Variants in ARHGAP24 observed in about 807,000 individuals in gnomAD.
The protein encoded by ARHGAP24 is rho GTPase-activating protein 24.
A neutral mutation model predicts 76.4 loss-of-function variants in ARHGAP24; 50 were observed. That is an observed-to-expected ratio of 0.65 (90% CI 0.52 to 0.83). The LOEUF (loss-of-function observed/expected upper bound fraction) is 0.83. Among genes scored for constraint, ARHGAP24 ranks in the 40% least tolerant of loss-of-function variants. The pLI, the probability that ARHGAP24 is intolerant of heterozygous loss-of-function variation, is 0.00. For synonymous variants in ARHGAP24, 345 were observed against 323.3 expected, an observed-to-expected ratio of 1.07 and a Z score of -0.72; for missense variants, 930 against 914.2, an observed-to-expected ratio of 1.02 and a Z score of -0.22.
chr4:85,643,699 G>A (rs1210926473), intron 2 of ARHGAP24, among the ~76,000 whole-genome samples: 1 of 152,098 alleles, frequency 6.6e-6, no homozygotes, highest in African/African-American at 2.4e-5. Flanking sequence ...ACTCAGGGGA[G>A]TGCAAGTTTA....
rs371691470 is a variant in ARHGAP24 at position 85,923,741 on chromosome 4, G to A, written c.362G>A (p.Arg121His). ...NDMEDWVKSIRRVIWGPFGGG... is the reference protein window; with the variant it reads ...NDMEDWVKSIHRVIWGPFGGG... ...ATGGAAGACTGGGTGAAGTCAATCC[G>A]CCGAGTCATATGGGGACCTTTCGGA... Residue 121 changes from arginine (R) to histidine (H), a missense_variant, in exon 4 of 10, where the codon CGC becomes CAC. Transcript: ENST00000395184. 2.0e-5 allele frequency: 32 copies of A among 1,613,808 alleles called. No homozygotes were observed. The highest frequency in any genetic ancestry group is 8.9e-5 in the East Asian group (4 of 44,874).
chr4:85,783,189 T>A, intron 3 of ARHGAP24, among the ~76,000 whole-genome samples: 1 of 152,164 alleles, frequency 6.6e-6, no homozygotes, highest in East Asian at 1.9e-4. Flanking sequence ...ATAACCCCCC[T>A]CCTTTTCTTT....
Position 85,883,105 on chromosome 4 carries a change from C to T in ARHGAP24, c.269-40543C>T, listed in dbSNP as rs555124007. Among the ~76,000 whole-genome samples, 13 of 152,234 alleles carry T rather than the reference C, an allele frequency of 8.5e-5. 1 individual carries two copies. Among genetic ancestry groups the T allele is most frequent in the Admixed American group, 2.6e-4 (4 of 15,282 alleles). ...GGGAACAATGGGATTTAAAACAAGGCAGGGAGGAGAACTGTCACCTCTCCT... is the reference window on the plus strand; with the variant it reads ...GGGAACAATGGGATTTAAAACAAGGTAGGGAGGAGAACTGTCACCTCTCCT... On this transcript the variant is annotated intron_variant, in intron 3 of 9. Coordinates refer to ENST00000395184, the MANE Select transcript of ARHGAP24 (RefSeq NM_001025616.3).
intron 2 of ARHGAP24, among the ~76,000 whole-genome samples, chr4:85,656,197 C>A (rs1722162765): frequency 6.6e-6 from 1 of 151,988 alleles, no homozygotes; most frequent in Non-Finnish European, 1.5e-5. Context: ...AGAGACAATT[C>A]TGAAATGTAT....
At chr4:85,840,539 C>T (rs372530951) in intron 3 of ARHGAP24, among the ~76,000 whole-genome samples, 3 of 152,256 alleles carry the variant, frequency 2.0e-5, no homozygotes, top group East Asian at 1.9e-4. Flanking sequence ...TTAATTGTTT[C>T]ATATAATTTG....
chr4:85,853,557 T>C (rs1452218227), intron 3 of ARHGAP24, among the ~76,000 whole-genome samples: 1 of 152,166 alleles, frequency 6.6e-6, no homozygotes, highest in East Asian at 1.9e-4. Flanking sequence ...ATCTTCTGCG[T>C]CTGTCACGCT....
intron 2 of ARHGAP24, among the ~76,000 whole-genome samples, chr4:85,660,860 C>A (rs1004460939): frequency 4.1e-5 from 6 of 146,638 alleles, no homozygotes; most frequent in Non-Finnish European, 6.0e-5. Flanking sequence ...GTAGACATAA[C>A]CTTTCATTAT....
At chr4:85,725,217 T>C (rs1322486992) in intron 3 of ARHGAP24, among the ~76,000 whole-genome samples, 1 of 152,176 alleles carries the variant, frequency 6.6e-6, no homozygotes, top group Non-Finnish European at 1.5e-5. Flanking sequence ...TGTATCTCCA[T>C]ATATTTAGAA....
chr4:85,784,381 T>C (rs1727710021), intron 3 of ARHGAP24, among the ~76,000 whole-genome samples: 1 of 152,134 alleles, frequency 6.6e-6, no homozygotes, highest in African/African-American at 2.4e-5. Context: ...TTTATTTTGT[T>C]TTCTCTCTTA....
At position 85,791,868 on chromosome 4, in the gene ARHGAP24, AG is replaced by A. The variant is rs529055828; in HGVS notation, c.268+69897del. Among the ~76,000 whole-genome samples the A allele has an allele frequency of 1.5e-4, 23 of 152,352 alleles. No homozygotes were observed. The South Asian group carries it at 4.1e-3, about 27-fold the overall frequency. ...TTTGATAGGAAATGGGAATTTCCCA[AG>A]TAAAGGTGGAGGTGGTCAGTAGTGT... On this transcript the variant is annotated intron_variant, in intron 3 of 9. Coordinates refer to ENST00000395184, the MANE Select transcript of ARHGAP24 (RefSeq NM_001025616.3).
chr4:85,639,470 C>A (rs1367833759), intron 2 of ARHGAP24, among the ~76,000 whole-genome samples: 3 of 151,526 alleles, frequency 2.0e-5, no homozygotes, highest in Admixed American at 2.0e-4. Flanking sequence ...TCTCTTTGTA[C>A]CCTGTCCAGT....
At chr4:85,488,043 A>G (rs1354818920) in intron 1 of ARHGAP24, among the ~76,000 whole-genome samples, 2 of 149,568 alleles carry the variant, frequency 1.3e-5, no homozygotes, top group Non-Finnish European at 3.0e-5. Flanking sequence ...GTAGCTGGGG[A>G]CTACAGGCGC....
At chr4:85,571,508 G>A (rs947256447) in intron 2 of ARHGAP24, among the ~76,000 whole-genome samples, 8 of 152,074 alleles carry the variant, frequency 5.3e-5, no homozygotes, top group Admixed American at 1.3e-4. Context: ...TTTTAGATTC[G>A]TTTATATAAA....
At chr4:85,855,225 C>A (rs1401481422) in intron 3 of ARHGAP24, among the ~76,000 whole-genome samples, 1 of 152,116 alleles carries the variant, frequency 6.6e-6, no homozygotes, top group Non-Finnish European at 1.5e-5. Context: ...AGTCAGAGAC[C>A]CTGAGCAAAA....
At chr4:85,593,979 T>G (rs1331194933) in intron 2 of ARHGAP24, among the ~76,000 whole-genome samples, 1 of 152,130 alleles carries the variant, frequency 6.6e-6, no homozygotes, top group Non-Finnish European at 1.5e-5. Flanking sequence ...TTTTTTCTAT[T>G]TCTGTGAAGA....
intron 1 of ARHGAP24, among the ~76,000 whole-genome samples, chr4:85,514,270 C>T (rs575645070): frequency 6.6e-6 from 1 of 152,256 alleles, no homozygotes; most frequent in South Asian, 2.1e-4. Flanking sequence ...CAGTCCCCTG[C>T]TCCGTAAGCA....
chr4:85,936,711 G>T (rs346504), intron 4 of ARHGAP24, among the ~76,000 whole-genome samples: 53,300 of 151,942 alleles, frequency 0.35, 9,448 homozygotes, highest in East Asian at 0.46. Flanking sequence ...CAAGCTTTGG[G>T]TCTAGAGTAG....
At chr4:85,862,443 C>G (rs558547756) in intron 3 of ARHGAP24, among the ~76,000 whole-genome samples, 1 of 151,990 alleles carries the variant, frequency 6.6e-6, no homozygotes, top group Non-Finnish European at 1.5e-5. Flanking sequence ...GGCTAAGACT[C>G]GGTTATTGTT....
intron 1 of ARHGAP24, among the ~76,000 whole-genome samples, chr4:85,504,430 T>C (rs987873537): frequency 3.3e-5 from 5 of 152,216 alleles, no homozygotes; most frequent in African/African-American, 1.2e-4. Flanking sequence ...ATATTTAGGA[T>C]AGTTAGCTCT....
Sources: allele counts gnomAD v4.1 joint callset (sites outside exome capture counted in the v4.1 genomes callset), GRCh38; gene constraint gnomAD v4.1.1; transcripts MANE v1.5; gene names NCBI Gene and HGNC (gene_info 2026-07-23, HGNC 2026-07-21).